NLGN1: variants seen among roughly 807,000 people sequenced by gnomAD.
NLGN1 encodes the protein neuroligin 1.
A neutral mutation model predicts 65.5 loss-of-function variants in NLGN1; 12 were observed. The ratio of observed to expected loss-of-function variants is 0.18; its 90% confidence interval spans 0.12 to 0.30. The LOEUF (loss-of-function observed/expected upper bound fraction) is 0.30, where lower values mean the gene tolerates loss of function less well. NLGN1 is among the 10% of genes least tolerant of loss of function. The pLI is 1.00. For missense variants in NLGN1, 750 were observed against 1,007.1 expected, an observed-to-expected ratio of 0.74 and a Z score of 3.46; for synonymous variants, 350 against 359.5, an observed-to-expected ratio of 0.97 and a Z score of 0.30.
intron 4 of NLGN1, among the ~76,000 whole-genome samples, chr3:174,185,322 C>A (rs1191583269): frequency 6.6e-6 from 1 of 152,086 alleles, no homozygotes; most frequent in African/African-American, 2.4e-5. Context: ...CAGCAGTGAC[C>A]AACAGAACTT....
intron 4 of NLGN1, among the ~76,000 whole-genome samples, chr3:174,069,552 T>C (rs892155676): frequency 6.6e-6 from 1 of 152,190 alleles, no homozygotes; most frequent in Non-Finnish European, 1.5e-5. Context: ...TATCAAAACA[T>C]ATATTTTTCA....
At position 173,739,037 on chromosome 3, in the gene NLGN1, G is replaced by C. The variant is rs140915966; in HGVS notation, c.494-68643G>C. 7.2e-4 allele frequency among the ~76,000 whole-genome samples: 110 copies of C among 152,130 alleles called. 1 individual carries two copies. The highest frequency in any genetic ancestry group is 2.6e-3 in the African/African-American group (107 of 41,546). On this transcript the variant is annotated intron_variant, in intron 3 of 6. Transcript: ENST00000457714. ...GTTCAAGAAGTATGACATAAACCTT[G>C]AGTTGTCTAGGATTTCATCAGGCTG... is the stretch of plus-strand genomic sequence containing the variant.
At chr3:174,201,713 T>A (rs1734546796) in intron 4 of NLGN1, among the ~76,000 whole-genome samples, 2 of 152,192 alleles carry the variant, frequency 1.3e-5, no homozygotes, top group Admixed American at 6.5e-5. Context: ...CATATAAATG[T>A]CACCCAGCAG....
rs2010745 is a variant in NLGN1 at position 173,665,273 on chromosome 3, A to G, written c.493+60182A>G. Among the ~76,000 whole-genome samples, 1,505 of 152,068 alleles carry G rather than the reference A, an allele frequency of 9.9e-3. 30 individuals carry two copies. Among genetic ancestry groups the G allele is most frequent in the African/African-American group, 0.035 (1,439 of 41,476 alleles). ...ATGAGATCTGTTGGTTTTATAGGGG[A>G]CTTTTCTCCCCTGTGTTCTGCACTT... is the stretch of plus-strand genomic sequence containing the variant. On this transcript the variant is annotated intron_variant, in intron 3 of 6. Transcript: ENST00000457714.
At chr3:174,274,748 GATC>G (rs1379598920) in intron 4 of NLGN1, among the ~76,000 whole-genome samples, 3 of 151,718 alleles carry the variant, frequency 2.0e-5, no homozygotes, top group African/African-American at 4.8e-5. Context: ...CTTAATCATT[GATC>G]ATCATTGATA....
chr3:174,093,558 A>G (rs151290010), intron 4 of NLGN1, among the ~76,000 whole-genome samples: 43 of 152,336 alleles, frequency 2.8e-4, no homozygotes, highest in African/African-American at 9.9e-4. Context: ...AAACTCATCA[A>G]TAATGCTAAT....
intron 2 of NLGN1, among the ~76,000 whole-genome samples, chr3:173,562,708 C>T (rs990840338): frequency 2.6e-5 from 4 of 152,138 alleles, no homozygotes; most frequent in East Asian, 3.9e-4. Flanking sequence ...TTCCTCATCT[C>T]GACATTTAAG....
chr3:173,668,637 T>A (rs1453042379), intron 3 of NLGN1, among the ~76,000 whole-genome samples: 40 of 132,172 alleles, frequency 3.0e-4, no homozygotes, highest in African/African-American at 1.1e-3. Context: ...TTTTTTTTTT[T>A]AAGACAGAGT....
intron 3 of NLGN1, among the ~76,000 whole-genome samples, chr3:173,676,614 T>C (rs1256148292): frequency 6.6e-6 from 1 of 152,150 alleles, no homozygotes; most frequent in Non-Finnish European, 1.5e-5. Flanking sequence ...GGAAAATACA[T>C]TTTATTCACA....
rs550466060 is a variant in NLGN1, at chr3:173,403,780, T to G, written c.-390+5293T>G. Among the ~76,000 whole-genome samples the G allele has an allele frequency of 2.2e-4, 34 of 152,330 alleles. 1 individual carries two copies. Among genetic ancestry groups the G allele is most frequent in the African/African-American group, 8.2e-4 (34 of 41,588 alleles). ...TTAAATATTTGATTATTCTGGAGTTTTTTTAAATCGTAGCTGCTTCAAATT... is the reference window on the plus strand; with the variant it reads ...TTAAATATTTGATTATTCTGGAGTTGTTTTAAATCGTAGCTGCTTCAAATT... On this transcript the variant is annotated intron_variant, in intron 1 of 6. Transcript: ENST00000457714.
chr3:173,557,037 T>A (rs1374911787), intron 2 of NLGN1, among the ~76,000 whole-genome samples: 2 of 152,174 alleles, frequency 1.3e-5, no homozygotes, highest in African/African-American at 2.4e-5. Context: ...CATACTGATT[T>A]TTTTTGTCTA....
At chr3:173,826,437 G>C (rs1721352341) in intron 4 of NLGN1, among the ~76,000 whole-genome samples, 1 of 152,054 alleles carries the variant, frequency 6.6e-6, no homozygotes, top group Non-Finnish European at 1.5e-5. Context: ...CTGGGAAATA[G>C]AAGGAAACAC....
chr3:173,934,622 T>C (rs1744719808), intron 4 of NLGN1, among the ~76,000 whole-genome samples: 1 of 152,000 alleles, frequency 6.6e-6, no homozygotes, highest in African/African-American at 2.4e-5. Context: ...ACACTTTATC[T>C]TCCCCTGATC....
intron 4 of NLGN1, among the ~76,000 whole-genome samples, chr3:174,064,318 A>G (rs945440072): frequency 1.3e-5 from 2 of 152,150 alleles, no homozygotes; most frequent in Non-Finnish European, 2.9e-5. Flanking sequence ...TTATTAATGA[A>G]CAGGAACTTG....
chr3:173,807,897 C>T, intron 4 of NLGN1, 65 bp downstream of exon 4: 1 of 1,511,996 alleles, frequency 6.6e-7, no homozygotes, highest in East Asian at 2.3e-5. Context: ...TTTGTTTTGA[C>T]TTGTTTTGTT....
At chr3:174,048,522 A>G (rs1734124195) in intron 4 of NLGN1, among the ~76,000 whole-genome samples, 1 of 151,998 alleles carries the variant, frequency 6.6e-6, no homozygotes, top group South Asian at 2.1e-4. Context: ...GCCGCAGATA[A>G]TTACTGAAGC....
intron 4 of NLGN1, among the ~76,000 whole-genome samples, chr3:174,036,848 C>A (rs1029425566): frequency 6.6e-6 from 1 of 152,006 alleles, no homozygotes; most frequent in South Asian, 2.1e-4. Flanking sequence ...TGAGAACATG[C>A]AGTATTTGGT....
intron 4 of NLGN1, among the ~76,000 whole-genome samples, chr3:173,914,224 C>T (rs1322761496): frequency 6.6e-6 from 1 of 152,116 alleles, no homozygotes; most frequent in Non-Finnish European, 1.5e-5. Flanking sequence ...TATCCCCTCC[C>T]CCACATCCTT....
At chr3:173,831,010 C>T (rs900546719) in intron 4 of NLGN1, among the ~76,000 whole-genome samples, 8 of 152,160 alleles carry the variant, frequency 5.3e-5, no homozygotes, top group Non-Finnish European at 7.4e-5. Flanking sequence ...CAGATTTCAT[C>T]TAGTTATAGC....
Sources: allele counts gnomAD v4.1 joint callset (sites outside exome capture counted in the v4.1 genomes callset), GRCh38; gene constraint gnomAD v4.1.1; transcripts MANE v1.5; gene names NCBI Gene and HGNC (gene_info 2026-07-23, HGNC 2026-07-21).